TRPA1: variants seen among roughly 807,000 people sequenced by gnomAD.
TRPA1 encodes ankyrin-like with transmembrane domains 1.
Under a neutral mutation model 131.3 loss-of-function variants are expected in TRPA1, and 129 were observed. The ratio of observed to expected loss-of-function variants is 0.98; its 90% CI spans 0.85 to 1.14. The LOEUF is 1.14. Among genes scored for constraint, TRPA1 ranks in the 50% most tolerant of loss-of-function variants. The probability of loss-of-function intolerance (pLI) is 0.00; values close to 1 mark genes in which losing one functional copy is unlikely to be tolerated. For synonymous variants in TRPA1, 441 were observed against 451.7 expected (o/e 0.98, Z 0.30); for missense variants, 1,304 against 1,354.2 (o/e 0.96, Z 0.58).
intron 14 of TRPA1, among the ~76,000 whole-genome samples, chr8:72,052,357 G>A (rs1233221292): frequency 1.3e-5 from 2 of 152,148 alleles, no homozygotes; most frequent in Non-Finnish European, 2.9e-5. Flanking sequence ...GGGAGGCGGA[G>A]GTTGCAGTGA....
intron 17 of TRPA1, among the ~76,000 whole-genome samples, chr8:72,044,563 A>T (rs934150779): frequency 2.0e-5 from 3 of 152,004 alleles, no homozygotes; most frequent in Non-Finnish European, 4.4e-5. Flanking sequence ...TGTAAATAAG[A>T]CAAAGTATCC....
chr8:72,049,638 G>A (rs1325238494), intron 15 of TRPA1, among the ~76,000 whole-genome samples: 1 of 152,000 alleles, frequency 6.6e-6, no homozygotes, highest in Non-Finnish European at 1.5e-5. Flanking sequence ...GTCTTGTCTG[G>A]GGTGTCCGGT....
intron 13 of TRPA1, 29 bp from the exon 14 acceptor site, chr8:72,052,794 G>T (rs941052121): frequency 1.9e-6 from 3 of 1,610,958 alleles, no homozygotes; most frequent in Non-Finnish European, 1.7e-6. Context: ...CACAGAAAAC[G>T]TGGTGACAGT....
At chr8:72,036,829 C>G (rs534161691) in intron 20 of TRPA1, among the ~76,000 whole-genome samples, 1 of 152,168 alleles carries the variant, frequency 6.6e-6, no homozygotes, top group Non-Finnish European at 1.5e-5. Context: ...GTGGAGCTCT[C>G]TTTATGAACT....
In TRPA1 at chr8:72,057,795, C is replaced by A; in HGVS notation, c.1015G>T (p.Asp339Tyr). The part of the protein sequence containing the change: ...ISVGADINKI[D>Y]SEGRSPLILA... Reference sequence around the variant, plus strand: ...ATAAGTGGAGAGCGTCCTTCAGAATCGATCTTATTAATATCTGCTCCCTAA... The same window carrying A: ...ATAAGTGGAGAGCGTCCTTCAGAATAGATCTTATTAATATCTGCTCCCTAA... The change falls in exon 9 of 27, where the codon GAT (aspartate) becomes TAT (tyrosine). Residue 339 changes from aspartate (D) to tyrosine (Y), a missense_variant. Transcript: ENST00000262209. 1.2e-6 allele frequency: 2 copies of A among 1,613,548 alleles called. No homozygotes were observed. Among genetic ancestry groups the A allele is most frequent in the Non-Finnish European group, 1.7e-6 (2 of 1,179,636 alleles).
chr8:72,085,975 A>G, the TRPA1 span, among the ~76,000 whole-genome samples: 1 of 152,122 alleles, frequency 6.6e-6, no homozygotes, highest in African/African-American at 2.4e-5. Context: ...ATCTTGGCTC[A>G]CCGCAACCTC....
At chr8:72,084,647 ATTTTTTT>A in the TRPA1 span, among the ~76,000 whole-genome samples, 2 of 104,990 alleles carry the variant, frequency 1.9e-5, no homozygotes, top group Non-Finnish European at 3.7e-5. Context: ...TAAAATGATA[ATTTTTTT>A]TTTTTTTTTT....
chr8:72,061,577 T>C, intron 7 of TRPA1, 48 bp downstream of exon 7: 1 of 1,611,110 alleles, frequency 6.2e-7, no homozygotes, highest in Non-Finnish European at 8.5e-7. Context: ...CTAATTTCAC[T>C]CATGAAGATG....
chr8:72,060,025 G>A (rs187107890), intron 7 of TRPA1, among the ~76,000 whole-genome samples: 3 of 151,944 alleles, frequency 2.0e-5, no homozygotes, highest in African/African-American at 4.8e-5. Context: ...GTTTCCTATC[G>A]CAAATCTCAT....
chr8:72,026,848 T>G (rs1811628840), intron 24 of TRPA1, among the ~76,000 whole-genome samples: 1 of 152,126 alleles, frequency 6.6e-6, no homozygotes, highest in Non-Finnish European at 1.5e-5. Context: ...CTTTCCAATA[T>G]TAGTGATTTA....
At chr8:72,033,533 G>A in intron 23 of TRPA1, 111 bp downstream of exon 23, 1 of 1,041,660 alleles carries the variant, frequency 9.6e-7, no homozygotes, top group African/African-American at 1.6e-5. Flanking sequence ...TTTTGTAGTA[G>A]ATCCTTCCTG....
intron 15 of TRPA1, among the ~76,000 whole-genome samples, chr8:72,047,690 A>T (rs552891021): frequency 6.6e-6 from 1 of 152,276 alleles, no homozygotes; most frequent in African/African-American, 2.4e-5. Flanking sequence ...AATTATTAAA[A>T]ATATTATATA....
chr8:72,055,514 G>A lies in TRPA1; in HGVS notation c.1451C>T (p.Thr484Ile), dbSNP rs1455931817. The A allele has an allele frequency of 1.4e-5, 22 of 1,613,186 alleles. No homozygotes were observed. The highest frequency in any genetic ancestry group is 1.9e-5 in the Non-Finnish European group (22 of 1,179,418). ...LLNEGDLHGM[T>I]PLHLAAKNGH... ...ATTCTTTGCTGCCAGATGGAGAGGA[G>A]TCATTCCATGAAGGTCACCTTCATT... The change falls in exon 12 of 27, where the codon ACT (threonine) becomes ATT (isoleucine). Residue 484 changes from threonine to isoleucine, a missense_variant. Coordinates refer to ENST00000262209, the MANE Select transcript of TRPA1 (RefSeq NM_007332.3).
chr8:72,030,631 A>T (rs996416745), intron 23 of TRPA1, among the ~76,000 whole-genome samples: 3 of 152,198 alleles, frequency 2.0e-5, no homozygotes, highest in African/African-American at 7.2e-5. Context: ...AATGAGAGGG[A>T]TGATGTGATA....
At chr8:72,063,398 A>G (rs757837298) in intron 5 of TRPA1, 65 bp downstream of exon 5, 1,193 of 1,224,194 alleles carry the variant, frequency 9.7e-4, no homozygotes, top group Non-Finnish European at 1.3e-3. Flanking sequence ...AAAAAAAATC[A>G]AATTAATAGC....
chr8:72,032,430 C>A (rs1220886501), intron 23 of TRPA1, among the ~76,000 whole-genome samples: 2 of 152,110 alleles, frequency 1.3e-5, no homozygotes, highest in African/African-American at 2.4e-5. Flanking sequence ...TGAGGAAAAA[C>A]GTGGGAGAGT....
rs779776123 is a variant in TRPA1, at chr8:72,055,742, A to G, written c.1308T>C (p.Asn436=). 1 of 1,613,364 alleles carries G rather than the reference A, an allele frequency of 6.2e-7. No homozygotes were observed. Among genetic ancestry groups the G allele is most frequent in the East Asian group, 2.2e-5 (1 of 44,862 alleles). ...CTTTGCTTTTGGAATGAATGGACAC[A>G]TTAAAGCCAAGTAGGTTATTTACAG... ...PGSVNNLLGF[N]VSIHSKSKDK... is the part of the protein sequence containing the mutation. Residue 436 remains asparagine (N), a synonymous_variant, in exon 11 of 27, where the codon AAT becomes AAC. Coordinates refer to ENST00000262209, the MANE Select transcript of TRPA1 (RefSeq NM_007332.3).
At chr8:72,033,314 T>C (rs1811902369) in intron 23 of TRPA1, among the ~76,000 whole-genome samples, 1 of 152,252 alleles carries the variant, frequency 6.6e-6, no homozygotes, top group African/African-American at 2.4e-5. Context: ...TGCTACACAG[T>C]TATTTATTAC....
intron 23 of TRPA1, among the ~76,000 whole-genome samples, chr8:72,032,785 A>G (rs1811876925): frequency 6.6e-6 from 1 of 151,988 alleles, no homozygotes; most frequent in Admixed American, 6.6e-5. Context: ...TGTATCAAAT[A>G]ATTGAATCAA....
Sources: allele counts gnomAD v4.1 joint callset (sites outside exome capture counted in the v4.1 genomes callset), GRCh38; gene constraint gnomAD v4.1.1; transcripts MANE v1.5; gene names NCBI Gene and HGNC (gene_info 2026-07-23, HGNC 2026-07-21).